Variants in ARNT2 observed in about 807,000 individuals in gnomAD.
ARNT2 encodes aryl hydrocarbon receptor nuclear translocator 2, also known as ARNT protein 2.
Under a neutral mutation model 91.7 loss-of-function variants are expected in ARNT2, and 36 were observed. The ratio of observed to expected loss-of-function variants is 0.39; its 90% CI spans 0.30 to 0.52. The LOEUF (loss-of-function observed/expected upper bound fraction) is 0.52. Among genes scored for constraint, ARNT2 ranks in the 20% least tolerant of loss-of-function variants. The pLI, the probability that ARNT2 is intolerant of heterozygous loss-of-function variation, is 0.72. For missense variants in ARNT2, 775 were observed against 939.3 expected (o/e 0.83, Z 2.29); for synonymous variants, 365 against 347.1 (o/e 1.05, Z -0.57).
chr15:80,547,941 C>A (rs1596007756), intron 8 of ARNT2, among the ~76,000 whole-genome samples: 1 of 151,880 alleles, frequency 6.6e-6, no homozygotes, highest in African/African-American at 2.4e-5. Context: ...ACAAACTAGC[C>A]TATTTTAATA....
chr15:80,520,984 T>G (rs1479240045), intron 8 of ARNT2, among the ~76,000 whole-genome samples: 4 of 152,220 alleles, frequency 2.6e-5, no homozygotes, highest in African/African-American at 4.8e-5. Flanking sequence ...CTGTGCTTAG[T>G]AGTGATATTT....
intron 8 of ARNT2, among the ~76,000 whole-genome samples, chr15:80,524,526 C>T (rs188240461): frequency 7.9e-5 from 12 of 152,230 alleles, no homozygotes; most frequent in Admixed American, 3.3e-4. Flanking sequence ...CATGGGACAT[C>T]TACATGATAA....
chr15:80,480,829 CCT>C (rs1201898494), intron 5 of ARNT2, among the ~76,000 whole-genome samples: 1 of 152,030 alleles, frequency 6.6e-6, no homozygotes, highest in Non-Finnish European at 1.5e-5. Context: ...TTCCTCCTTC[CCT>C]CTTTCTTTCT....
At position 80,581,276 on chromosome 15, in the gene ARNT2, C is replaced by T; in HGVS notation, c.1790C>T (p.Pro597Leu). 6.2e-7 allele frequency: 1 copy of T among 1,614,148 alleles called. No individual in the cohort carries two copies. The highest frequency in any genetic ancestry group is 8.5e-7 in the Non-Finnish European group (1 of 1,180,040). The change falls in exon 17 of 19, where the codon CCC becomes CTC. Residue 597 changes from proline (P) to leucine (L), a missense_variant. By Grantham distance (98) the Pro-to-Leu change is moderately conservative. Coordinates refer to ENST00000303329, the MANE Select transcript of ARNT2 (RefSeq NM_014862.4). ...CAGTCCAGCAAGACTCAGTCATCTC[C>T]CTTTGGGATTGGAACGAGCCACACC... Reference protein sequence around the residue: ...PSQSSKTQSSPFGIGTSHTYP... With the variant: ...PSQSSKTQSSLFGIGTSHTYP...
Position 80,596,807 on chromosome 15 carries a change from G to A in ARNT2, c.*3109G>A, listed in dbSNP as rs942185352. On this transcript the variant is annotated 3_prime_UTR_variant, in exon 19 of 19. Coordinates refer to ENST00000303329, the MANE Select transcript of ARNT2 (RefSeq NM_014862.4). ...GAAGAGGTCTGTACAGTGACAACCCGGGCCGGCAGCAAGGACACAGATGCA... is the reference window on the plus strand; with the variant it reads ...GAAGAGGTCTGTACAGTGACAACCCAGGCCGGCAGCAAGGACACAGATGCA... 4.5e-5 allele frequency: 12 copies of A among 266,848 alleles called. No individual in the cohort carries two copies. The highest frequency in any genetic ancestry group is 3.3e-4 in the South Asian group (8 of 24,272). 16.5% of individuals were successfully genotyped at this position (266,848 alleles called of 1,614,324 possible). A position where few individuals can be genotyped will look rare whatever the true frequency, so the allele number is the denominator to read the frequency against.
chr15:80,518,553 A>ATAG (rs1158761957), intron 8 of ARNT2, among the ~76,000 whole-genome samples: 1 of 152,144 alleles, frequency 6.6e-6, no homozygotes, highest in Non-Finnish European at 1.5e-5. Context: ...TGCTGGGATT[A>ATAG]TAGGCAGGAA....
chr15:80,424,779 A>AG (rs1225696579), intron 1 of ARNT2, among the ~76,000 whole-genome samples: 1 of 149,856 alleles, frequency 6.7e-6, no homozygotes, highest in Non-Finnish European at 1.5e-5. Flanking sequence ...ACAGCCCTCA[A>AG]AAAAAAAAAA....
At chr15:80,405,420 T>C (rs980278591) in intron 1 of ARNT2, among the ~76,000 whole-genome samples, 1 of 152,024 alleles carries the variant, frequency 6.6e-6, no homozygotes, top group African/African-American at 2.4e-5. Context: ...CTGTGGAAGA[T>C]GCAGGGAGAG....
chr15:80,463,510 T>G (rs1444461087), intron 3 of ARNT2, among the ~76,000 whole-genome samples: 4 of 151,778 alleles, frequency 2.6e-5, no homozygotes, highest in Non-Finnish European at 5.9e-5. Context: ...TAGCACACAC[T>G]GGAATGAAAG....
intron 4 of ARNT2, among the ~76,000 whole-genome samples, chr15:80,472,114 CA>C (rs1272852687): frequency 6.9e-4 from 3 of 4,326 alleles, no homozygotes; most frequent in South Asian, 6.5e-3. Context: ...GGTGGGGGGG[CA>C]TTGGGGTGGG....
chr15:80,546,008 T>C (rs1332204981), intron 8 of ARNT2, among the ~76,000 whole-genome samples: 2 of 152,216 alleles, frequency 1.3e-5, no homozygotes, highest in African/African-American at 4.8e-5. Flanking sequence ...AGACGTAGGT[T>C]TGGCTGCTGG....
intron 5 of ARNT2, among the ~76,000 whole-genome samples, chr15:80,486,869 A>G (rs1299957407): frequency 1.3e-5 from 2 of 152,180 alleles, no homozygotes; most frequent in Non-Finnish European, 2.9e-5. Flanking sequence ...CCATGTAGGC[A>G]TGGAGCCCAT....
intron 8 of ARNT2, among the ~76,000 whole-genome samples, chr15:80,526,078 C>T (rs1897635423): frequency 1.3e-5 from 2 of 152,224 alleles, no homozygotes; most frequent in Admixed American, 1.3e-4. Flanking sequence ...TGTTCTTTCT[C>T]CTCCCTGCCG....
intron 1 of ARNT2, among the ~76,000 whole-genome samples, chr15:80,437,388 G>T (rs956663609): frequency 7.2e-5 from 11 of 151,994 alleles, no homozygotes; most frequent in African/African-American, 2.7e-4. Flanking sequence ...CTCCTCTTTT[G>T]TGGCCTCATC....
intron 9 of ARNT2, 123 bp from the exon 10 acceptor site, chr15:80,552,517 G>A (rs73494721): frequency 0.079 from 98,835 of 1,257,550 alleles, 4,165 homozygotes; most frequent in Middle Eastern, 0.12. Flanking sequence ...TAGGGTCATC[G>A]TACTAAATGA....
rs149592963 is a variant in ARNT2 at position 80,430,203 on chromosome 15, C to T, written c.32-20677C>T. Among the ~76,000 whole-genome samples, 245 of 152,208 alleles carry T rather than the reference C, an allele frequency of 1.6e-3. 2 individuals are homozygous for T. The highest frequency in any genetic ancestry group is 5.6e-3 in the African/African-American group (233 of 41,526). ...CTATAACTTGTGCTTTCCTGGGCCA[C>T]GCTCTGTGCTGGATGCAACAGGCAT... On this transcript the variant is annotated intron_variant, in intron 1 of 18. Coordinates refer to ENST00000303329, the MANE Select transcript of ARNT2 (RefSeq NM_014862.4).
At chr15:80,525,992 G>A (rs919213211) in intron 8 of ARNT2, among the ~76,000 whole-genome samples, 23 of 152,166 alleles carry the variant, frequency 1.5e-4, no homozygotes, top group African/African-American at 4.8e-4. Context: ...TAGACTTTGG[G>A]GAGTGAACAA....
intron 1 of ARNT2, among the ~76,000 whole-genome samples, chr15:80,427,753 T>C (rs1305903241): frequency 6.6e-6 from 1 of 152,208 alleles, no homozygotes; most frequent in Non-Finnish European, 1.5e-5. Context: ...TTGGTATATT[T>C]CTAGGGACAT....
chr15:80,555,026 A>G (rs1417783569), intron 10 of ARNT2, 39 bp from the exon 11 acceptor site: 2 of 1,579,042 alleles, frequency 1.3e-6, no homozygotes, highest in Admixed American at 1.7e-5. Flanking sequence ...ATAATTACAA[A>G]TGGATCTGGG....
Sources: allele counts gnomAD v4.1 joint callset (sites outside exome capture counted in the v4.1 genomes callset), GRCh38; gene constraint gnomAD v4.1.1; transcripts MANE v1.5; gene names NCBI Gene and HGNC (gene_info 2026-07-23, HGNC 2026-07-21).